Variants in ABCB10 observed in about 807,000 individuals in gnomAD.
ABCB10 encodes the protein ATP binding cassette subfamily B member 10, also known as ATP-binding cassette sub-family B member 10, mitochondrial.
ABCB10 carries 54 observed loss-of-function variants against 65.4 expected under a neutral mutation model. The observed-to-expected ratio is 0.83, with a 90% confidence interval of 0.66 to 1.04. The LOEUF (loss-of-function observed/expected upper bound fraction) is 1.04, where lower values mean the gene tolerates loss of function less well. ABCB10 is among the 50% of genes least tolerant of loss of function. The pLI is 0.00. For synonymous variants in ABCB10, 418 were observed against 406.5 expected (o/e 1.03, Z -0.34); for missense variants, 846 against 976.6 (o/e 0.87, Z 1.78).
intron 3 of ABCB10, among the ~76,000 whole-genome samples, chr1:229,544,082 C>A (rs942332186): frequency 6.6e-6 from 1 of 152,212 alleles, no homozygotes; most frequent in Non-Finnish European, 1.5e-5. Context: ...CTTCTGATGA[C>A]TAATACAGGG....
intron 11 of ABCB10, 102 bp from the exon 12 acceptor site, chr1:229,518,977 GGA>G: frequency 1.1e-6 from 1 of 926,126 alleles, no homozygotes; most frequent in Non-Finnish European, 1.6e-6. Context: ...GCTACAATGT[GGA>G]TGAGCCTTGG....
intron 1 of ABCB10, among the ~76,000 whole-genome samples, chr1:229,550,735 G>A (rs1302837121): frequency 2.0e-5 from 3 of 150,548 alleles, no homozygotes; most frequent in African/African-American, 4.9e-5. Context: ...GTGTTGGTGC[G>A]CACCTGTAGT....
Position 229,530,369 on chromosome 1 carries a change from A to G in ABCB10, c.1475T>C (p.Leu492Ser). 1.9e-6 allele frequency: 3 copies of G among 1,614,208 alleles called. No individual in the cohort carries two copies. The highest frequency in any genetic ancestry group is 2.5e-6 in the Non-Finnish European group (3 of 1,180,034). ...GGCAAAATGCACGTTCTTAAACTCC[A>G]AAGCACCCTGGAAGCTTTTCTCATT... is the stretch of plus-strand genomic sequence containing the variant. ...ILNEKSFQGA[L>S]EFKNVHFAYP... is the part of the protein sequence containing the mutation. Residue 492 changes from leucine (L) to serine (S), a missense_variant, in exon 8 of 13, where the codon TTG becomes TCG. Physicochemically the swap from Leu to Ser is moderately radical, Grantham distance 145. This residue lies in a region of ABCB10 where 632 missense variants were observed against 803.2 expected (regional missense o/e 0.79). Coordinates refer to ENST00000344517, the MANE Select transcript of ABCB10 (RefSeq NM_012089.3).
At position 229,549,685 on chromosome 1, in the gene ABCB10, T is replaced by C. The variant is rs1422073554; in HGVS notation, c.518-251A>G. On this transcript the variant is annotated intron_variant, in intron 1 of 12. Coordinates refer to ENST00000344517, the MANE Select transcript of ABCB10 (RefSeq NM_012089.3). The stretch of plus-strand genomic sequence containing the variant: ...AATCAGAGAAGATGACTTCTTAGTC[T>C]GATCAACTCTTCCTCACCAAGAAAA... Among the ~76,000 whole-genome samples, 3 of 152,224 alleles carry C rather than the reference T, an allele frequency of 2.0e-5. No homozygotes were observed. The South Asian group carries it at 6.2e-4, about 31-fold the overall frequency.
chr1:229,528,431 C>T (rs760856180), intron 8 of ABCB10, among the ~76,000 whole-genome samples: 27 of 151,252 alleles, frequency 1.8e-4, no homozygotes, highest in Admixed American at 3.3e-4. Context: ...TCCCTAAGAG[C>T]TGAGATTACA....
At chr1:229,549,458 T>C (rs764889533) in intron 1 of ABCB10, 24 bp from the exon 2 acceptor site, 4 of 1,601,878 alleles carry the variant, frequency 2.5e-6, no homozygotes, top group Non-Finnish European at 3.4e-6. Flanking sequence ...GCACTCTCAA[T>C]GTTCAGGTTG....
In ABCB10 at chr1:229,549,451, C is replaced by T. The variant is rs776208187; in HGVS notation, c.518-17G>A. 33 of 1,608,236 alleles carry T rather than the reference C, an allele frequency of 2.1e-5. No homozygotes were observed. Among genetic ancestry groups the T allele is most frequent in the Non-Finnish European group, 2.1e-5 (25 of 1,176,942 alleles). ...CAACCGCAGCTAGAAAACACAAGCA[C>T]TCTCAATGTTCAGGTTGCTTCAGCA... is the stretch of plus-strand genomic sequence containing the variant. On this transcript the variant is annotated splice_polypyrimidine_tract_variant and intron_variant, in intron 1 of 12. Transcript: ENST00000344517.
chr1:229,541,267 C>T (rs1052361298), intron 4 of ABCB10, among the ~76,000 whole-genome samples: 5 of 152,064 alleles, frequency 3.3e-5, no homozygotes, highest in African/African-American at 1.2e-4. Flanking sequence ...ACTCTTGTCA[C>T]CCAGGCTGGA....
intron 10 of ABCB10, among the ~76,000 whole-genome samples, chr1:229,522,753 A>G (rs181783658): frequency 6.6e-6 from 1 of 152,360 alleles, no homozygotes; most frequent in Admixed American, 6.5e-5. Flanking sequence ...GAAACTCAAG[A>G]TATTTGCAGT....
chr1:229,547,811 C>T, intron 2 of ABCB10, 110 bp from the exon 3 acceptor site: 1 of 985,120 alleles, frequency 1.0e-6, no homozygotes, highest in Non-Finnish European at 1.6e-6. Context: ...CCCTCCTGAG[C>T]AATGCAGCCT....
intron 1 of ABCB10, among the ~76,000 whole-genome samples, chr1:229,552,368 C>T (rs2102710470): frequency 6.6e-6 from 1 of 152,292 alleles, no homozygotes; most frequent in Non-Finnish European, 1.5e-5. Context: ...TGAAATTCTC[C>T]CACACCTTTT....
At chr1:229,520,090 A>G (rs1385343496) in intron 11 of ABCB10, among the ~76,000 whole-genome samples, 1 of 152,060 alleles carries the variant, frequency 6.6e-6, no homozygotes, top group African/African-American at 2.4e-5. Flanking sequence ...AGCCATGATC[A>G]CACCACTGCA....
chr1:229,527,079 TA>T, intron 9 of ABCB10, 149 bp downstream of exon 9: 1 of 711,244 alleles, frequency 1.4e-6, no homozygotes, highest in Non-Finnish European at 2.3e-6. Flanking sequence ...CTTGCAAACC[TA>T]AACAACCTGC....
chr1:229,550,115 ATTGCTTC>A, intron 1 of ABCB10: 1 of 152,330 alleles, frequency 6.6e-6, no homozygotes, highest in African/African-American at 2.4e-5. Context: ...CATGTGATAT[ATTGCTTC>A]TTAATATTGT....
In ABCB10 at chr1:229,547,607, C is replaced by T. The variant is rs762929858; in HGVS notation, c.813G>A (p.Leu271=). The change falls in exon 3 of 13, where the codon TTG becomes TTA. Residue 271 remains leucine (L), a synonymous_variant. Coordinates refer to ENST00000344517, the MANE Select transcript of ABCB10 (RefSeq NM_012089.3). ...CAGTGTCTGATGAGAGGCGGTTAAT[C>T]AATTCTCCTGTGCGAGTCTTGTCAA... ...AFFDKTRTGE[L]INRLSSDTAL... 3.7e-6 allele frequency: 6 copies of T among 1,614,174 alleles called. No homozygotes were observed. Among genetic ancestry groups the T allele is most frequent in the Non-Finnish European group, 5.1e-6 (6 of 1,180,028 alleles).
At chr1:229,544,416 C>CAAA (rs35004821) in intron 3 of ABCB10, among the ~76,000 whole-genome samples, 3 of 60,990 alleles carry the variant, frequency 4.9e-5, no homozygotes, top group Non-Finnish European at 8.9e-5. Context: ...GACCTTCTCT[C>CAAA]AAAAAAAAAA....
At position 229,529,295 on chromosome 1, in the gene ABCB10, C is replaced by CAAAAAAAAAA. The variant is rs59264291; in HGVS notation, c.1645+894_1645+903dup. ...TGGGCAACAGAGCAAGACTCCGTCT[C>CAAAAAAAAAA]AAAAAAAAAAAAAAAAAAAAAAAAA... On this transcript the variant is annotated intron_variant, in intron 8 of 12. Coordinates refer to ENST00000344517, the MANE Select transcript of ABCB10 (RefSeq NM_012089.3). 6.1e-4 allele frequency among the ~76,000 whole-genome samples: 14 copies of CAAAAAAAAAA among 23,130 alleles called. 1 individual carries two copies. Among genetic ancestry groups the CAAAAAAAAAA allele is most frequent in the Non-Finnish European group, 8.2e-4 (11 of 13,462 alleles). 15.2% of individuals were successfully genotyped at this position (23,130 alleles called of 152,430 possible). A position where few individuals can be genotyped will look rare whatever the true frequency, so the allele number is the denominator to read the frequency against.
rs1663326333 is a variant in ABCB10 at position 229,558,596 on chromosome 1, C to A, written c.57G>T (p.Glu19Asp). Residue 19 changes from glutamate to aspartate, a missense_variant, in exon 1 of 13, where the codon GAG becomes GAT. Transcript: ENST00000344517. ...AGGCTACCGGCAGGAGCCGACCTGG[C>A]TCGGCAGGGCTCGGTGGCTCGAGCA... ...LRLLEPPSPA[E>D]PGRLLPVACV... The A allele has an allele frequency of 7.0e-7, 1 of 1,438,060 alleles. No homozygotes were observed. Among genetic ancestry groups the A allele is most frequent in the Non-Finnish European group, 9.1e-7 (1 of 1,097,632 alleles). 89.1% of individuals were successfully genotyped at this position (1,438,060 alleles called of 1,614,324 possible).
At chr1:229,537,524 C>T (rs956781135) in intron 6 of ABCB10, among the ~76,000 whole-genome samples, 1 of 152,170 alleles carries the variant, frequency 6.6e-6, no homozygotes, top group Non-Finnish European at 1.5e-5. Flanking sequence ...CAGTGGCTCA[C>T]ACCTGTAATC....
Sources: allele counts gnomAD v4.1 joint callset (sites outside exome capture counted in the v4.1 genomes callset), GRCh38; gene constraint gnomAD v4.1.1; regional missense constraint gnomAD v4.1.1; transcripts MANE v1.5; gene names NCBI Gene and HGNC (gene_info 2026-07-23, HGNC 2026-07-21).